GLIS3: variants seen among roughly 807,000 people sequenced by gnomAD.
The protein encoded by GLIS3 is GLIS family zinc finger 3, also known as zinc finger protein GLIS3.
Under a neutral mutation model 78.6 loss-of-function variants are expected in GLIS3, and 53 were observed. The observed-to-expected ratio is 0.67, with a 90% CI of 0.54 to 0.85. The LOEUF (loss-of-function observed/expected upper bound fraction) is 0.85, where lower values mean the gene tolerates loss of function less well. Among genes scored for constraint, GLIS3 ranks in the 40% least tolerant of loss-of-function variants. The pLI is 0.00. For missense variants in GLIS3, 1,703 were observed against 1,231.1 expected (o/e 1.38, Z -5.74); for synonymous variants, 684 against 509.9 (o/e 1.34, Z -4.60).
intron 6 of GLIS3, among the ~76,000 whole-genome samples, chr9:3,931,797 T>C (rs1825638297): frequency 6.6e-6 from 1 of 152,218 alleles, no homozygotes; most frequent in South Asian, 2.1e-4. Context: ...CCCTCATTAA[T>C]GTCAAAGTGG....
chr9:4,284,057 T>G (rs1351663374), intron 2 of GLIS3, among the ~76,000 whole-genome samples: 1 of 152,148 alleles, frequency 6.6e-6, no homozygotes, highest in African/African-American at 2.4e-5. Context: ...CACCTGAGGT[T>G]TTTTAAGAAA....
intron 7 of GLIS3, among the ~76,000 whole-genome samples, chr9:3,892,699 A>C (rs1041506173): frequency 7.9e-5 from 12 of 152,156 alleles, no homozygotes; most frequent in African/African-American, 2.9e-4. Context: ...TCTTCACAGG[A>C]AAGAGACATA....
intron 2 of GLIS3, among the ~76,000 whole-genome samples, chr9:4,239,234 G>T (rs190409123): frequency 8.7e-5 from 13 of 150,082 alleles, no homozygotes; most frequent in African/African-American, 3.2e-4. Flanking sequence ...GAGTTAATGG[G>T]TGCAGCACAC....
At chr9:4,014,763 C>T (rs1822301258) in intron 4 of GLIS3, among the ~76,000 whole-genome samples, 1 of 152,192 alleles carries the variant, frequency 6.6e-6, no homozygotes, top group African/African-American at 2.4e-5. Context: ...CAGAAATCAC[C>T]TCGTCCAATG....
intron 8 of GLIS3, among the ~76,000 whole-genome samples, chr9:3,867,734 CGT>C (rs925289052): frequency 4.0e-4 from 6 of 14,918 alleles, no homozygotes; most frequent in African/African-American, 6.7e-4. Context: ...TGTGTGCGTG[CGT>C]GTGTGTGTGT....
intron 4 of GLIS3, among the ~76,000 whole-genome samples, chr9:4,055,886 G>C (rs1196439484): frequency 6.6e-6 from 1 of 152,176 alleles, no homozygotes; most frequent in African/African-American, 2.4e-5. Context: ...GGTAAAATTG[G>C]GTTGAATGAA....
intron 6 of GLIS3, among the ~76,000 whole-genome samples, chr9:3,915,067 C>T (rs374376428): frequency 2.6e-5 from 4 of 152,100 alleles, no homozygotes; most frequent in African/African-American, 9.7e-5. Context: ...AATAAAGCTC[C>T]TCTCCTTGGT....
intron 2 of GLIS3, among the ~76,000 whole-genome samples, chr9:4,227,751 G>A (rs920750021): frequency 6.6e-6 from 1 of 152,182 alleles, no homozygotes; most frequent in African/African-American, 2.4e-5. Context: ...AAAGTCAGGT[G>A]AAGCCAAGGA....
At chr9:4,449,057 T>C in the GLIS3 span, among the ~76,000 whole-genome samples, 1 of 152,162 alleles carries the variant, frequency 6.6e-6, no homozygotes, top group African/African-American at 2.4e-5. Flanking sequence ...GGGATTTCCC[T>C]TTCCTAGCCA....
the GLIS3 span, among the ~76,000 whole-genome samples, chr9:4,472,662 C>A: frequency 6.6e-6 from 1 of 151,934 alleles, no homozygotes; most frequent in Non-Finnish European, 1.5e-5. Context: ...ATGTAAATGA[C>A]GAGTTAATGG....
At chr9:4,351,151 G>C (rs527614423), upstream of GLIS3, among the ~76,000 whole-genome samples, 5 of 152,174 alleles carry the variant, frequency 3.3e-5, no homozygotes, top group East Asian at 9.6e-4. Context: ...CAGGGAGCTG[G>C]AGAATTGCTT....
chr9:4,205,567 G>A (rs1342092002), intron 2 of GLIS3, among the ~76,000 whole-genome samples: 2 of 152,224 alleles, frequency 1.3e-5, no homozygotes, highest in African/African-American at 2.4e-5. Context: ...GTCTAGAGGT[G>A]GGGGCTTGGA....
chr9:4,313,512 G>A (rs1386120296), intron 2 of GLIS3, among the ~76,000 whole-genome samples: 5 of 152,110 alleles, frequency 3.3e-5, no homozygotes, highest in Non-Finnish European at 5.9e-5. Flanking sequence ...GGCTCCATTG[G>A]CCTCCAGTCT....
intron 2 of GLIS3, among the ~76,000 whole-genome samples, chr9:4,168,282 A>G (rs1412400469): frequency 1.3e-5 from 2 of 152,166 alleles, no homozygotes; most frequent in Admixed American, 6.6e-5. Flanking sequence ...TTTTAAAATA[A>G]AGGGTTTTTT....
intron 9 of GLIS3, among the ~76,000 whole-genome samples, chr9:3,854,543 C>T (rs1408172517): frequency 1.4e-5 from 2 of 145,658 alleles, no homozygotes; most frequent in Non-Finnish European, 3.0e-5. Flanking sequence ...CGTTGATGTT[C>T]TTTTTTTTTT....
At chr9:4,077,205 T>C (rs1266367693) in intron 4 of GLIS3, among the ~76,000 whole-genome samples, 3 of 152,208 alleles carry the variant, frequency 2.0e-5, no homozygotes, top group Non-Finnish European at 4.4e-5. Context: ...ACTTTGAAAT[T>C]AATAACCTTA....
chr9:4,421,200 C>A, the GLIS3 span, among the ~76,000 whole-genome samples: 1 of 152,178 alleles, frequency 6.6e-6, no homozygotes. Flanking sequence ...CTGAAATAAT[C>A]TCTGTCATAT....
intron 7 of GLIS3, among the ~76,000 whole-genome samples, chr9:3,891,949 T>G (rs1041573593): frequency 9.9e-5 from 15 of 152,198 alleles, no homozygotes; most frequent in Non-Finnish European, 1.9e-4. Context: ...TCACATTTTC[T>G]TTTTAATCGT....
At chr9:3,838,756 G>T (rs967330899) in intron 9 of GLIS3, among the ~76,000 whole-genome samples, 3 of 152,188 alleles carry the variant, frequency 2.0e-5, no homozygotes, top group Non-Finnish European at 2.9e-5. Context: ...AAAAGGGACA[G>T]AGGAGAAAGA....
Sources: allele counts gnomAD v4.1 joint callset (sites outside exome capture counted in the v4.1 genomes callset), GRCh38; gene constraint gnomAD v4.1.1; transcripts MANE v1.5; gene names NCBI Gene and HGNC (gene_info 2026-07-23, HGNC 2026-07-21).